PRKCA: variants seen among roughly 807,000 people sequenced by gnomAD.
PRKCA encodes protein kinase C alpha type.
In PRKCA, 27 loss-of-function variants were observed where a neutral mutation model predicts 87.0. The ratio of observed to expected loss-of-function variants is 0.31; its 90% CI spans 0.23 to 0.43. The LOEUF (loss-of-function observed/expected upper bound fraction) is 0.43. Among genes scored for constraint, PRKCA ranks in the 20% least tolerant of loss-of-function variants. PRKCA has a pLI of 1.00. For synonymous variants in PRKCA, 329 were observed against 311.1 expected, an observed-to-expected ratio of 1.06 and a Z score of -0.61; for missense variants, 518 against 852.3, an observed-to-expected ratio of 0.61 and a Z score of 4.88.
At chr17:66,644,327 G>A (rs761750536) in intron 4 of PRKCA, among the ~76,000 whole-genome samples, 8 of 152,076 alleles carry the variant, frequency 5.3e-5, no homozygotes, top group Non-Finnish European at 1.0e-4. Flanking sequence ...AAAATGAAAC[G>A]GAAAGGAAGA....
At chr17:66,790,706 G>T (rs558847786) in intron 16 of PRKCA, among the ~76,000 whole-genome samples, 277 of 152,324 alleles carry the variant, frequency 1.8e-3, no homozygotes, top group African/African-American at 6.4e-3. Flanking sequence ...TCCAGAAAGC[G>T]ATGAGTTGCA....
chr17:66,646,897 G>C (rs1358487475), intron 5 of PRKCA, among the ~76,000 whole-genome samples: 1 of 152,198 alleles, frequency 6.6e-6, no homozygotes, highest in Non-Finnish European at 1.5e-5. Flanking sequence ...CCCTATCATA[G>C]ATACAGAATC....
intron 3 of PRKCA, among the ~76,000 whole-genome samples, chr17:66,550,622 C>G (rs922887851): frequency 6.9e-6 from 1 of 145,786 alleles, no homozygotes; most frequent in Non-Finnish European, 1.5e-5. Flanking sequence ...GCACTCCAGC[C>G]TGGGTGACAG....
intron 14 of PRKCA, among the ~76,000 whole-genome samples, chr17:66,782,473 G>A (rs1243969756): frequency 1.3e-5 from 2 of 152,096 alleles, no homozygotes; most frequent in Non-Finnish European, 2.9e-5. Context: ...AGGAATTTGG[G>A]GAAGCAACAC....
At chr17:66,349,436 C>T (rs999217896) in intron 2 of PRKCA, among the ~76,000 whole-genome samples, 1 of 152,144 alleles carries the variant, frequency 6.6e-6, no homozygotes, top group African/African-American at 2.4e-5. Flanking sequence ...ACCAGGCCTG[C>T]TGTGTAGACC....
chr17:66,501,515 A>G (rs1916730923), intron 3 of PRKCA, among the ~76,000 whole-genome samples: 1 of 152,224 alleles, frequency 6.6e-6, no homozygotes, highest in African/African-American at 2.4e-5. Context: ...ATTCCCTGGT[A>G]CTGCCTGTGT....
chr17:66,428,613 C>T (rs1467477544), intron 2 of PRKCA, among the ~76,000 whole-genome samples: 3 of 151,732 alleles, frequency 2.0e-5, no homozygotes, highest in African/African-American at 7.3e-5. Flanking sequence ...AAGCAATTCT[C>T]CTGCTTCAGC....
chr17:66,680,287 G>A (rs1202861961), intron 5 of PRKCA, among the ~76,000 whole-genome samples: 2 of 152,190 alleles, frequency 1.3e-5, no homozygotes, highest in Non-Finnish European at 2.9e-5. Flanking sequence ...GTGTGGAGTA[G>A]GATTCGAGAA....
chr17:66,321,802 C>T (rs1038955143), intron 2 of PRKCA, among the ~76,000 whole-genome samples: 4 of 152,108 alleles, frequency 2.6e-5, no homozygotes, highest in African/African-American at 9.7e-5. Context: ...CCTCAGCCTC[C>T]CAAAGTGCTG....
At chr17:66,384,841 A>G (rs1909968790) in intron 2 of PRKCA, among the ~76,000 whole-genome samples, 1 of 152,058 alleles carries the variant, frequency 6.6e-6, no homozygotes, top group Non-Finnish European at 1.5e-5. Flanking sequence ...TGTGTTAGCC[A>G]GGATGGTCTC....
Position 66,804,178 on chromosome 17 carries a change from C to T in PRKCA, c.*141C>T, listed in dbSNP as rs574501915. On this transcript the variant is annotated 3_prime_UTR_variant, in exon 17 of 17. Coordinates refer to ENST00000413366, the MANE Select transcript of PRKCA (RefSeq NM_002737.3). ...CCTGAAAATTGTAGGGTTATTAGTC[C>T]AAATGTGATCAACTGTTCAGGGTCT... 1.0e-3 allele frequency: 1,155 copies of T among 1,128,536 alleles called. No homozygotes were observed. The highest frequency in any genetic ancestry group is 1.3e-3 in the Non-Finnish European group (1,050 of 819,800). 69.9% of individuals were successfully genotyped at this position (1,128,536 alleles called of 1,614,324 possible).
intron 3 of PRKCA, among the ~76,000 whole-genome samples, chr17:66,565,510 TATAACG>T (rs1968862236): frequency 6.6e-6 from 1 of 152,176 alleles, no homozygotes; most frequent in Non-Finnish European, 1.5e-5. Context: ...GCTCCACAAT[TATAACG>T]TGGGACTTTC....
At chr17:66,742,568 G>A in intron 12 of PRKCA, 54 bp from the exon 13 acceptor site, 1 of 1,591,362 alleles carries the variant, frequency 6.3e-7, no homozygotes, top group South Asian at 1.1e-5. Context: ...CAGTTCCAAA[G>A]CAAACCATGT....
chr17:66,372,400 G>A (rs1283232189), intron 2 of PRKCA, among the ~76,000 whole-genome samples: 2 of 152,112 alleles, frequency 1.3e-5, no homozygotes, highest in African/African-American at 4.8e-5. Flanking sequence ...TGATTTCATA[G>A]GTAATTGGGC....
At chr17:66,356,197 C>G (rs755755173) in intron 2 of PRKCA, among the ~76,000 whole-genome samples, 3 of 152,082 alleles carry the variant, frequency 2.0e-5, no homozygotes, top group Non-Finnish European at 4.4e-5. Flanking sequence ...CCACGCCCAT[C>G]GGTGATTTTT....
rs1975555870 is a variant in PRKCA at position 66,792,189 on chromosome 17, C to T, written c.1854+3210C>T. Among the ~76,000 whole-genome samples, 1 of 152,160 alleles carries T rather than the reference C, an allele frequency of 6.6e-6. No homozygotes were observed. Among genetic ancestry groups the T allele is most frequent in the Admixed American group, 6.6e-5 (1 of 15,264 alleles). On this transcript the variant is annotated intron_variant, in intron 16 of 16. Coordinates refer to ENST00000413366, the MANE Select transcript of PRKCA (RefSeq NM_002737.3). The surrounding 1 kb of genome is among the most constrained non-coding windows in gnomAD (Gnocchi z 4.5). Reference sequence around the variant, plus strand: ...GGTGAGTCAGTTTCCCTGAGACTTGCAGGCTTAAGGACAGGTAGCTGTTCT... The same window carrying T: ...GGTGAGTCAGTTTCCCTGAGACTTGTAGGCTTAAGGACAGGTAGCTGTTCT...
chr17:66,706,398 G>A (rs934641930), intron 8 of PRKCA, among the ~76,000 whole-genome samples: 1 of 152,142 alleles, frequency 6.6e-6, no homozygotes, highest in Non-Finnish European at 1.5e-5. Context: ...CACTTTGGGA[G>A]GCCGAGGCAG....
intron 3 of PRKCA, among the ~76,000 whole-genome samples, chr17:66,498,191 C>G (rs1480506442): frequency 6.9e-6 from 1 of 145,524 alleles, no homozygotes; most frequent in African/African-American, 2.5e-5. Context: ...CTGGCATATT[C>G]TGGAATATTG....
At chr17:66,672,928 A>G (rs914092130) in intron 5 of PRKCA, among the ~76,000 whole-genome samples, 27 of 152,240 alleles carry the variant, frequency 1.8e-4, no homozygotes, top group African/African-American at 6.5e-4. Context: ...TCTCCCATGC[A>G]GAAGTATAGT....
Sources: gnomAD v4.1 joint callset for allele counts (sites outside exome capture counted in the v4.1 genomes callset) on GRCh38, gnomAD v4.1.1 for gene constraint, Gnocchi (gnomAD v3.1) non-coding constraint, MANE v1.5 for transcripts, NCBI Gene and HGNC (gene_info 2026-07-23, HGNC 2026-07-21) for gene names.